The following FAM135A variants were observed in gnomAD, a reference collection of about 807,000 sequenced individuals.
FAM135A encodes the protein family with sequence similarity 135 member A.
A neutral mutation model predicts 146.8 loss-of-function variants in FAM135A; 79 were observed. The observed-to-expected ratio is 0.54, with a 90% confidence interval of 0.45 to 0.65. The LOEUF (loss-of-function observed/expected upper bound fraction) is 0.65, where lower values mean the gene tolerates loss of function less well. FAM135A is among the 30% of genes least tolerant of loss of function. The pLI, the probability that FAM135A is intolerant of heterozygous loss-of-function variation, is 0.00. For missense variants in FAM135A, 1,623 were observed against 1,758.2 expected (o/e 0.92, Z 1.38); for synonymous variants, 562 against 603.6 (o/e 0.93, Z 1.01).
At chr6:70,548,558 C>T (rs1799260779) in intron 20 of FAM135A, among the ~76,000 whole-genome samples, 1 of 152,162 alleles carries the variant, frequency 6.6e-6, no homozygotes, top group Non-Finnish European at 1.5e-5. Flanking sequence ...GCAGGGATCT[C>T]AGTCTAAAGC....
intron 2 of FAM135A, among the ~76,000 whole-genome samples, chr6:70,418,682 G>A (rs938317706): frequency 1.3e-5 from 2 of 152,208 alleles, no homozygotes; most frequent in Non-Finnish European, 2.9e-5. Context: ...CTGTAAGAGG[G>A]AGCTTACTTA....
At chr6:70,481,215 A>G (rs188133148) in intron 9 of FAM135A, among the ~76,000 whole-genome samples, 188 bp downstream of exon 9, 3 of 152,320 alleles carry the variant, frequency 2.0e-5, no homozygotes, top group Admixed American at 6.5e-5. Context: ...TGATACTTCA[A>G]AATGTTACCA....
intron 20 of FAM135A, among the ~76,000 whole-genome samples, chr6:70,548,490 T>C (rs944473758): frequency 6.6e-6 from 1 of 152,146 alleles, no homozygotes; most frequent in African/African-American, 2.4e-5. Flanking sequence ...TGACTAATCT[T>C]TACTGATTTT....
At chr6:70,511,916 G>C (rs1791075132) in intron 12 of FAM135A, among the ~76,000 whole-genome samples, 1 of 151,824 alleles carries the variant, frequency 6.6e-6, no homozygotes, top group African/African-American at 2.4e-5. Context: ...TCTAAACATA[G>C]AAAAGGTACA....
At chr6:70,556,275 AAG>A (rs1800810080) in intron 20 of FAM135A, among the ~76,000 whole-genome samples, 1 of 152,150 alleles carries the variant, frequency 6.6e-6, no homozygotes, top group Non-Finnish European at 1.5e-5. Context: ...AATTTAAAAA[AAG>A]AAAATATAAA....
chr6:70,442,113 G>A (rs1193799680), intron 4 of FAM135A, among the ~76,000 whole-genome samples: 2 of 151,656 alleles, frequency 1.3e-5, no homozygotes, highest in African/African-American at 4.8e-5. Flanking sequence ...CGAAAATCTT[G>A]GTTCCTAGTA....
At chr6:70,502,524 C>CT in intron 11 of FAM135A, 112 bp from the exon 12 acceptor site, 1 of 1,119,452 alleles carries the variant, frequency 8.9e-7, no homozygotes, top group South Asian at 1.7e-5. Flanking sequence ...ATGCACATCT[C>CT]TTTTTTTAAA....
intron 4 of FAM135A, among the ~76,000 whole-genome samples, chr6:70,429,475 T>C (rs1362608868): frequency 1.3e-5 from 2 of 151,346 alleles, no homozygotes; most frequent in Non-Finnish European, 2.9e-5. Context: ...ATTGCGCTAG[T>C]GCACTCCAGC....
At position 70,524,812 on chromosome 6, in the gene FAM135A, G is replaced by T. The variant is rs1171597022; in HGVS notation, c.1728G>T (p.Leu576Phe). Residue 576 changes from leucine to phenylalanine, a missense_variant, in exon 15 of 22, where the codon TTG becomes TTT. Transcript: ENST00000418814. ...RQTSQKEASC[L>F]PTNTERTEQK... ...CAAGTCAAAAGGAAGCTAGCTGTTT[G>T]CCAACTAATACAGAGAGAACTGAAC... The T allele has an allele frequency of 6.4e-7, 1 of 1,560,236 alleles. No individual in the cohort carries two copies. The highest frequency in any genetic ancestry group is 1.9e-5 in the Admixed American group (1 of 52,124).
At chr6:70,486,128 A>T (rs1241433662) in intron 10 of FAM135A, 2 of 1,568,228 alleles carry the variant, frequency 1.3e-6, no homozygotes, top group East Asian at 4.5e-5. Context: ...TTGTGAAAGG[A>T]GTATAGTAAC....
chr6:70,533,796 CT>C lies in FAM135A; in HGVS notation c.3911del (p.Leu1304TrpfsTer4). Reference sequence around the variant, plus strand: ...TGATTTTGATAGCATGACTGATCGTCTTTTGGATGAGATAATACAGTATATT... The same window carrying C: ...TGATTTTGATAGCATGACTGATCGTCTTTGGATGAGATAATACAGTATATT... ...FADFDSMTDR[L>X]LDEIIQYIQI... On this transcript the variant is annotated frameshift_variant, in exon 18 of 22. Coordinates refer to ENST00000418814, the MANE Select transcript of FAM135A (RefSeq NM_001162529.3). LOFTEE classifies it high-confidence loss of function. The C allele has an allele frequency of 6.3e-7, 1 of 1,587,450 alleles. No homozygotes were observed. Among genetic ancestry groups the C allele is most frequent in the Non-Finnish European group, 8.5e-7 (1 of 1,170,454 alleles).
At position 70,522,602 on chromosome 6, in the gene FAM135A, T is replaced by G. The variant is rs1047060999; in HGVS notation, c.1103+16T>G. On this transcript the variant is annotated intron_variant, in intron 13 of 21. Coordinates refer to ENST00000418814, the MANE Select transcript of FAM135A (RefSeq NM_001162529.3). ...AGGAACTTCAGTGAGTAGTATAAAT[T>G]CAAAATTAAAATGATATTACTTCCT... 4 of 1,602,918 alleles carry G rather than the reference T, an allele frequency of 2.5e-6. No homozygotes were observed. In the African/African-American group the frequency reaches 5.4e-5, roughly 22 times the overall value.
intron 11 of FAM135A, among the ~76,000 whole-genome samples, chr6:70,500,958 G>C (rs1788360116): frequency 6.6e-6 from 1 of 152,338 alleles, no homozygotes; most frequent in East Asian, 1.9e-4. Context: ...AGGCACGGGG[G>C]TCAGGGACCC....
chr6:70,528,480 G>T, intron 16 of FAM135A, 28 bp downstream of exon 16: 1 of 1,467,770 alleles, frequency 6.8e-7, no homozygotes, highest in Non-Finnish European at 9.0e-7. Context: ...ATGTAACCCA[G>T]AGCAACTCAA....
In FAM135A at chr6:70,419,376, G is replaced by A. The variant is rs558921048; in HGVS notation, c.-134+4000G>A. ...AGAAGTTGGAGTGAGCCGAGATAGC[G>A]CCACTGCACTCCAGCCTGGGTGACA... On this transcript the variant is annotated intron_variant, in intron 2 of 21. Coordinates refer to ENST00000418814, the MANE Select transcript of FAM135A (RefSeq NM_001162529.3). 5.3e-5 allele frequency among the ~76,000 whole-genome samples: 8 copies of A among 151,520 alleles called. No individual in the cohort carries two copies. The East Asian group carries it at 7.8e-4, about 15-fold the overall frequency.
At chr6:70,429,387 C>G (rs1018359220) in intron 4 of FAM135A, among the ~76,000 whole-genome samples, 1 of 151,996 alleles carries the variant, frequency 6.6e-6, no homozygotes, top group African/African-American at 2.4e-5. Flanking sequence ...GTGGTGCACG[C>G]CTGTAATCCC....
In FAM135A at chr6:70,536,090, ACATTTTTTCCTTC is replaced by A. The variant is rs569712217; in HGVS notation, c.3966-169_3966-157del. ...TAATGAGGATCTTCTATACATTCTC[ACATTTTTTCCTTC>A]AAAATGTGGTATATCATTTCAAAGT... On this transcript the variant is annotated intron_variant, in intron 18 of 21. Transcript: ENST00000418814. 1.2e-3 allele frequency: 668 copies of A among 553,012 alleles called. 4 individuals are homozygous for A. The highest frequency in any genetic ancestry group is 0.012 in the African/African-American group (611 of 51,878). 34.3% of individuals were successfully genotyped at this position (553,012 alleles called of 1,614,324 possible).
intron 4 of FAM135A, among the ~76,000 whole-genome samples, chr6:70,440,960 A>C (rs550473796): frequency 6.6e-6 from 1 of 152,356 alleles, no homozygotes; most frequent in South Asian, 2.1e-4. Flanking sequence ...CAGAAAAGAC[A>C]TAATAAATGT....
chr6:70,486,048 TTAAC>T (rs764944434), intron 10 of FAM135A: 76 of 633,654 alleles, frequency 1.2e-4, no homozygotes, highest in Admixed American at 9.4e-4. Context: ...GATAAGCTAA[TTAAC>T]TAACTGCACT....
Sources: gnomAD v4.1 joint callset for allele counts (sites outside exome capture counted in the v4.1 genomes callset) on GRCh38, gnomAD v4.1.1 for gene constraint, MANE v1.5 for transcripts, NCBI Gene and HGNC (gene_info 2026-07-23, HGNC 2026-07-21) for gene names.